The following WWTR1 variants were observed in gnomAD, a reference collection of about 807,000 sequenced individuals.
WWTR1 encodes the protein WW domain containing transcription regulator 1.
In WWTR1, 13 loss-of-function variants were observed where a neutral mutation model predicts 40.1. That is an observed-to-expected ratio of 0.32 (90% CI 0.21 to 0.52). WWTR1 has a LOEUF of 0.52. Ranked by LOEUF, WWTR1 falls within the 20% of genes least tolerant of loss-of-function variation. The pLI is 0.97. For missense variants in WWTR1, 436 were observed against 523.1 expected, an observed-to-expected ratio of 0.83 and a Z score of 1.63; for synonymous variants, 230 against 210.1, an observed-to-expected ratio of 1.09 and a Z score of -0.82.
intron 5 of WWTR1, among the ~76,000 whole-genome samples, chr3:149,712,294 C>A (rs550320080): frequency 1.3e-5 from 2 of 152,066 alleles, no homozygotes; most frequent in Admixed American, 6.5e-5. Context: ...AAGACCCTAT[C>A]CTTGCTATAA....
intron 2 of WWTR1, among the ~76,000 whole-genome samples, chr3:149,602,030 C>A (rs998324250): frequency 4.6e-5 from 7 of 152,138 alleles, no homozygotes; most frequent in Non-Finnish European, 8.8e-5. Flanking sequence ...TCCTTTTGAG[C>A]CTGGACTACA....
chr3:149,615,346 C>G (rs1739923759), intron 2 of WWTR1, among the ~76,000 whole-genome samples: 1 of 152,132 alleles, frequency 6.6e-6, no homozygotes. Flanking sequence ...ATTATATGCT[C>G]TCCAGAATTT....
In WWTR1 at chr3:149,540,917, T is replaced by G. The variant is rs879121098; in HGVS notation, c.771+1418A>C. On this transcript the variant is annotated intron_variant, in intron 4 of 6. Transcript: ENST00000360632. ...CCTCACACAATATAGATTTCTTATA[T>G]CCTGGAATGTATTTGATGAGAAATA... is the stretch of plus-strand genomic sequence containing the variant. 4.1e-5 allele frequency: 17 copies of G among 411,070 alleles called. 1 individual carries two copies. Among genetic ancestry groups the G allele is most frequent in the South Asian group, 3.0e-4 (17 of 56,338 alleles). The allele number at this position is 411,070 out of a possible 1,614,324, so 25.5% of individuals were successfully genotyped here. A position where few individuals can be genotyped will look rare whatever the true frequency, so the allele number is the denominator to read the frequency against.
intron 1 of WWTR1, among the ~76,000 whole-genome samples, chr3:149,674,498 A>C (rs1576635975): frequency 6.6e-6 from 1 of 152,080 alleles, no homozygotes; most frequent in Non-Finnish European, 1.5e-5. Context: ...GGGGAAGAAG[A>C]ATCACTTGAA....
intron 2 of WWTR1, among the ~76,000 whole-genome samples, chr3:149,603,115 ACT>A (rs1307677360): frequency 6.6e-6 from 1 of 152,122 alleles, no homozygotes; most frequent in Non-Finnish European, 1.5e-5. Context: ...ATAAGAGGAG[ACT>A]CTAAAGTTAA....
At chr3:149,527,803 A>C in intron 5 of WWTR1, 33 bp downstream of exon 5, 2 of 1,612,956 alleles carry the variant, frequency 1.2e-6, no homozygotes, top group Non-Finnish European at 1.7e-6. Flanking sequence ...AATAAAGAGA[A>C]TAAAAATAAG....
intron 5 of WWTR1, among the ~76,000 whole-genome samples, chr3:149,716,792 G>A (rs1409153840): frequency 6.6e-6 from 1 of 151,982 alleles, no homozygotes; most frequent in East Asian, 1.9e-4. Context: ...ATGTCCAGAA[G>A]AATTAACAAG....
chr3:149,528,552 G>A (rs1478834506), intron 4 of WWTR1, among the ~76,000 whole-genome samples: 1 of 152,162 alleles, frequency 6.6e-6, no homozygotes, highest in Admixed American at 6.5e-5. Context: ...AGCACTTTGG[G>A]AGGTCGAGGT....
At chr3:149,534,510 T>C (rs1735735564) in intron 4 of WWTR1, among the ~76,000 whole-genome samples, 1 of 152,184 alleles carries the variant, frequency 6.6e-6, no homozygotes, top group Admixed American at 6.5e-5. Context: ...CTGAACATAG[T>C]TTTCCTCCCT....
At chr3:149,679,204 C>G (rs952971012) in intron 1 of WWTR1, among the ~76,000 whole-genome samples, 1 of 152,134 alleles carries the variant, frequency 6.6e-6, no homozygotes, top group Admixed American at 6.5e-5. Flanking sequence ...TGTTGTTTTC[C>G]TCTCTGACTT....
At chr3:149,652,533 G>A (rs897018446) in intron 2 of WWTR1, among the ~76,000 whole-genome samples, 2 of 145,034 alleles carry the variant, frequency 1.4e-5, no homozygotes, top group African/African-American at 5.0e-5. Flanking sequence ...TGAGGTGGGA[G>A]GATCACTTGA....
intron 4 of WWTR1, among the ~76,000 whole-genome samples, chr3:149,532,446 GGA>G (rs1735630198): frequency 6.6e-6 from 1 of 152,056 alleles, no homozygotes. Context: ...TTTTAAACAA[GGA>G]GAGGTTTATA....
chr3:149,568,774 T>C (rs1415899316), intron 3 of WWTR1, among the ~76,000 whole-genome samples: 1 of 152,150 alleles, frequency 6.6e-6, no homozygotes, highest in Non-Finnish European at 1.5e-5. Flanking sequence ...TTTGTTGTTG[T>C]TTTTGTTGTT....
chr3:149,528,723 C>G (rs1302123616), intron 4 of WWTR1, among the ~76,000 whole-genome samples: 2 of 151,960 alleles, frequency 1.3e-5, no homozygotes, highest in Non-Finnish European at 2.9e-5. Context: ...GAGCAGAGAT[C>G]ACGACACTGT....
intron 4 of WWTR1, among the ~76,000 whole-genome samples, chr3:149,530,480 T>C (rs1423531956): frequency 6.6e-6 from 1 of 151,936 alleles, no homozygotes; most frequent in Admixed American, 6.6e-5. Flanking sequence ...AATTGTTATC[T>C]GTAATAATAT....
At chr3:149,545,523 G>A (rs1736325008) in intron 3 of WWTR1, among the ~76,000 whole-genome samples, 1 of 152,046 alleles carries the variant, frequency 6.6e-6, no homozygotes, top group Admixed American at 6.6e-5. Flanking sequence ...CTATGTTGTT[G>A]TTGTTATTGT....
At chr3:149,691,739 G>C (rs551088901) in intron 1 of WWTR1, among the ~76,000 whole-genome samples, 1 of 152,112 alleles carries the variant, frequency 6.6e-6, no homozygotes, top group Non-Finnish European at 1.5e-5. Context: ...AAAGAAGGCC[G>C]GGCGCGGTGG....
At chr3:149,669,156 A>T (rs1713965576) in intron 2 of WWTR1, among the ~76,000 whole-genome samples, 2 of 152,202 alleles carry the variant, frequency 1.3e-5, no homozygotes, top group Admixed American at 1.3e-4. Flanking sequence ...AGAACCCCAC[A>T]TATACAAGGT....
intron 5 of WWTR1, 135 bp downstream of exon 5, chr3:149,527,701 T>C: frequency 7.7e-7 from 1 of 1,291,490 alleles, no homozygotes; most frequent in Non-Finnish European, 1.1e-6. Context: ...TGCCAGCTCC[T>C]CCCACTTCCT....
Sources: gnomAD v4.1 joint callset for allele counts (sites outside exome capture counted in the v4.1 genomes callset) on GRCh38, gnomAD v4.1.1 for gene constraint, MANE v1.5 for transcripts, NCBI Gene and HGNC (gene_info 2026-07-23, HGNC 2026-07-21) for gene names.